Variants in SPAG16 observed in about 807,000 individuals in gnomAD.
SPAG16 encodes sperm associated antigen 16, also known as sperm-associated antigen 16 protein.
A neutral mutation model predicts 80.4 loss-of-function variants in SPAG16; 86 were observed. The observed-to-expected ratio is 1.07, with a 90% CI of 0.90 to 1.28. The LOEUF is 1.28. Ranked by LOEUF, SPAG16 falls within the 50% of genes most tolerant of loss-of-function variation. The pLI, the probability that SPAG16 is intolerant of heterozygous loss-of-function variation, is 0.00. For missense variants in SPAG16, 870 were observed against 765.3 expected, an observed-to-expected ratio of 1.14 and a Z score of -1.61; for synonymous variants, 294 against 265.9, an observed-to-expected ratio of 1.11 and a Z score of -1.03.
rs111650593 is a variant in SPAG16, at chr2:213,492,950, T to C, written c.1070+2860T>C. ...TTCTATAAGGCAGTTATTATTTTTCTCTCTCTCTCTCGTTTCTCCTTCTCT... is the reference window on the plus strand; with the variant it reads ...TTCTATAAGGCAGTTATTATTTTTCCCTCTCTCTCTCGTTTCTCCTTCTCT... On this transcript the variant is annotated intron_variant, in intron 10 of 15. Coordinates refer to ENST00000331683, the MANE Select transcript of SPAG16 (RefSeq NM_024532.5). Among the ~76,000 whole-genome samples the C allele has an allele frequency of 7.8e-4, 119 of 152,028 alleles. 2 individuals are homozygous for C. The highest frequency in any genetic ancestry group is 3.4e-3 in the Middle Eastern group (1 of 294).
intron 15 of SPAG16, among the ~76,000 whole-genome samples, chr2:214,261,062 G>A (rs1002545108): frequency 3.1e-5 from 4 of 130,604 alleles, no homozygotes; most frequent in Non-Finnish European, 6.3e-5. Context: ...AGCCGAGATC[G>A]CGCCACTGCA....
At chr2:213,793,372 A>G (rs1212083649) in intron 10 of SPAG16, among the ~76,000 whole-genome samples, 2 of 152,124 alleles carry the variant, frequency 1.3e-5, no homozygotes, top group Non-Finnish European at 2.9e-5. Context: ...AGCTACCATC[A>G]TACCTCTTAC....
intron 15 of SPAG16, among the ~76,000 whole-genome samples, chr2:214,369,850 A>G (rs1347756572): frequency 6.6e-6 from 1 of 152,072 alleles, no homozygotes; most frequent in African/African-American, 2.4e-5. Context: ...TCTATCAATG[A>G]TTTCTTCTCT....
intron 11 of SPAG16, among the ~76,000 whole-genome samples, chr2:213,893,202 C>T (rs532189990): frequency 2.0e-4 from 31 of 152,234 alleles, no homozygotes; most frequent in Non-Finnish European, 4.0e-4. Flanking sequence ...TACAAGAATA[C>T]TGTATTCAAC....
intron 10 of SPAG16, among the ~76,000 whole-genome samples, chr2:213,670,162 T>A (rs547778499): frequency 2.0e-5 from 3 of 151,702 alleles, no homozygotes; most frequent in East Asian, 1.9e-4. Flanking sequence ...GCCCAGCTAA[T>A]TTTTTTTGTA....
At chr2:214,190,272 G>T (rs76735314) in intron 15 of SPAG16, among the ~76,000 whole-genome samples, 1 of 151,966 alleles carries the variant, frequency 6.6e-6, no homozygotes, top group Non-Finnish European at 1.5e-5. Context: ...AATATGAGTG[G>T]GACCTTTACA....
chr2:214,166,671 G>T (rs773297302), intron 15 of SPAG16, among the ~76,000 whole-genome samples: 1 of 152,120 alleles, frequency 6.6e-6, no homozygotes, highest in Non-Finnish European at 1.5e-5. Flanking sequence ...CCCTCTGAGA[G>T]TGGGCTCTTT....
At chr2:213,551,196 C>T (rs1201354185) in intron 10 of SPAG16, among the ~76,000 whole-genome samples, 1 of 152,176 alleles carries the variant, frequency 6.6e-6, no homozygotes, top group East Asian at 1.9e-4. Flanking sequence ...CTCTGAAGCT[C>T]CTTCTGGCTC....
chr2:214,070,550 T>C (rs988202356), intron 13 of SPAG16, among the ~76,000 whole-genome samples: 5 of 152,078 alleles, frequency 3.3e-5, no homozygotes, highest in African/African-American at 1.2e-4. Context: ...CATTTATTTG[T>C]TTTACTCCAG....
At chr2:214,182,556 C>A (rs2057341484) in intron 15 of SPAG16, among the ~76,000 whole-genome samples, 1 of 151,898 alleles carries the variant, frequency 6.6e-6, no homozygotes, top group South Asian at 2.1e-4. Context: ...ATGAAAAGGA[C>A]TGCAAATCTT....
chr2:213,731,857 T>C (rs1196661255), intron 10 of SPAG16, among the ~76,000 whole-genome samples: 1 of 152,206 alleles, frequency 6.6e-6, no homozygotes, highest in African/African-American at 2.4e-5. Context: ...TATCCACTCT[T>C]GATGGTTGTC....
chr2:213,289,408 G>A (rs2126050571), intron 1 of SPAG16, among the ~76,000 whole-genome samples: 1 of 152,250 alleles, frequency 6.6e-6, no homozygotes, highest in East Asian at 1.9e-4. Flanking sequence ...GACAGGGGTG[G>A]CCAGTACATT....
intron 13 of SPAG16, among the ~76,000 whole-genome samples, chr2:214,027,454 A>T (rs2048190905): frequency 2.6e-5 from 4 of 151,762 alleles, no homozygotes; most frequent in Admixed American, 1.3e-4. Context: ...GAATGCAGAA[A>T]CATCCTTGCA....
intron 15 of SPAG16, among the ~76,000 whole-genome samples, chr2:214,400,539 G>A (rs145599149): frequency 1.9e-3 from 283 of 152,088 alleles, no homozygotes; most frequent in African/African-American, 4.6e-3. Context: ...TTATAGAAGG[G>A]ACTTGAGCAT....
At chr2:214,344,344 T>G (rs1697922011) in intron 15 of SPAG16, among the ~76,000 whole-genome samples, 1 of 152,196 alleles carries the variant, frequency 6.6e-6, no homozygotes, top group South Asian at 2.1e-4. Context: ...TTGACTCTGC[T>G]TTTCAAACTT....
intron 10 of SPAG16, among the ~76,000 whole-genome samples, chr2:213,774,894 G>A (rs188030520): frequency 9.2e-5 from 14 of 152,238 alleles, no homozygotes; most frequent in Admixed American, 3.3e-4. Flanking sequence ...TCCTTAGTAC[G>A]TGCATGAAGT....
chr2:214,251,845 T>C (rs1000720579), intron 15 of SPAG16, among the ~76,000 whole-genome samples: 24 of 152,126 alleles, frequency 1.6e-4, no homozygotes, highest in African/African-American at 5.5e-4. Flanking sequence ...AGGGTCTAAG[T>C]AGCCAAGGGG....
At chr2:213,522,982 A>C (rs1365505714) in intron 10 of SPAG16, among the ~76,000 whole-genome samples, 1 of 152,092 alleles carries the variant, frequency 6.6e-6, no homozygotes, top group African/African-American at 2.4e-5. Context: ...AATAACTATT[A>C]ATAGCCCTTG....
chr2:213,740,097 A>T (rs1446434723), intron 10 of SPAG16, among the ~76,000 whole-genome samples: 1 of 152,180 alleles, frequency 6.6e-6, no homozygotes, highest in African/African-American at 2.4e-5. Context: ...CTTAGACTGA[A>T]AAATCATATT....
Sources: allele counts gnomAD v4.1 joint callset (sites outside exome capture counted in the v4.1 genomes callset), GRCh38; gene constraint gnomAD v4.1.1; transcripts MANE v1.5; gene names NCBI Gene and HGNC (gene_info 2026-07-23, HGNC 2026-07-21).